PCDHGB3: variants seen among roughly 807,000 people sequenced by gnomAD.
The protein encoded by PCDHGB3 is protocadherin gamma subfamily B, 3, also known as protocadherin gamma-B3.
A neutral mutation model predicts 59.2 loss-of-function variants in PCDHGB3; 40 were observed. That is an observed-to-expected ratio of 0.68 (90% CI 0.52 to 0.88). The LOEUF is 0.88. Among genes scored for constraint, PCDHGB3 ranks in the 40% least tolerant of loss-of-function variants. PCDHGB3 has a pLI of 0.00. For missense variants in PCDHGB3, 1,309 were observed against 1,187.9 expected (o/e 1.10, Z -1.50); for synonymous variants, 581 against 503.6 (o/e 1.15, Z -2.06).
At chr5:141,409,181 C>T (rs1280456560) in intron 1 of PCDHGB3, 2 of 1,613,992 alleles carry the variant, frequency 1.2e-6, no homozygotes, top group Non-Finnish European at 1.7e-6. Flanking sequence ...CGGAGGTGGT[C>T]TCTCTACCCA....
chr5:141,415,759 T>TG (rs2095937522), intron 1 of PCDHGB3: 3 of 1,352,056 alleles, frequency 2.2e-6, no homozygotes, highest in Non-Finnish European at 2.9e-6. Flanking sequence ...TTTTTTTTTT[T>TG]TTTTTTTTTT....
intron 1 of PCDHGB3, chr5:141,484,980 A>C (rs1387732109): frequency 1.7e-6 from 1 of 593,836 alleles, no homozygotes; most frequent in Admixed American, 3.1e-5. Flanking sequence ...CTGTCTGCCA[A>C]TCGGGTGGTG....
intron 1 of PCDHGB3, among the ~76,000 whole-genome samples, chr5:141,454,204 T>G (rs1161344350): frequency 3.3e-5 from 5 of 152,170 alleles, no homozygotes; most frequent in Non-Finnish European, 1.5e-5. Context: ...GTGAATTTAT[T>G]GACATGAATG....
At chr5:141,447,938 T>G in intron 1 of PCDHGB3, among the ~76,000 whole-genome samples, 1 of 151,870 alleles carries the variant, frequency 6.6e-6, no homozygotes, top group Admixed American at 6.6e-5. Flanking sequence ...ATACAAAAAT[T>G]AGCTGGGCAT....
intron 1 of PCDHGB3, chr5:141,441,637 C>T (rs1200679247): frequency 4.4e-6 from 1 of 228,574 alleles, no homozygotes; most frequent in South Asian, 4.8e-5. Context: ...GAGCCACAGG[C>T]GCTGTGATTC....
chr5:141,499,073 G>T (rs2099789305), intron 2 of PCDHGB3, among the ~76,000 whole-genome samples: 1 of 152,064 alleles, frequency 6.6e-6, no homozygotes, highest in Admixed American at 6.5e-5. Flanking sequence ...CTTACATTCT[G>T]AAGTTCCTGC....
chr5:141,496,980 G>T (rs186715298), intron 2 of PCDHGB3, among the ~76,000 whole-genome samples: 1 of 151,974 alleles, frequency 6.6e-6, no homozygotes, highest in Admixed American at 6.6e-5. Flanking sequence ...GAGGTCAGGG[G>T]TTTGAGACCA....
In PCDHGB3 at chr5:141,432,365, G is replaced by A. The variant is rs1561860587; in HGVS notation, c.2415+59556G>A. The A allele has an allele frequency of 6.2e-7, 1 of 1,614,224 alleles. No homozygotes were observed. The highest frequency in any genetic ancestry group is 2.2e-5 in the East Asian group (1 of 44,882). ...CTTGCAAGTGAAAGTGATGGCGCGG[G>A]ACAACGGGCACCCGCCCCTCAGCAG... On this transcript the variant is annotated intron_variant, in intron 1 of 3. Transcript: ENST00000576222. The surrounding 1 kb of genome is among the most constrained non-coding windows in gnomAD (Gnocchi z 6.0).
chr5:141,397,961 G>C, intron 1 of PCDHGB3: 2 of 1,038,400 alleles, frequency 1.9e-6, no homozygotes, highest in Non-Finnish European at 2.7e-6. Context: ...CCCCAGCTCA[G>C]ACTCCCCAGC....
At chr5:141,418,823 A>G (rs985060966) in intron 1 of PCDHGB3, 7 of 1,613,868 alleles carry the variant, frequency 4.3e-6, no homozygotes, top group Admixed American at 3.3e-5. Context: ...CATAGAAGCA[A>G]AAGACCGAGG....
At chr5:141,381,854 A>T (rs1588908690) in intron 1 of PCDHGB3, among the ~76,000 whole-genome samples, 9 of 54,602 alleles carry the variant, frequency 1.6e-4, no homozygotes, top group South Asian at 5.1e-4. Context: ...TTTTTGGCAG[A>T]GTTTTGCTCT....
chr5:141,404,075 G>C (rs2154534954), intron 1 of PCDHGB3: 2 of 1,613,660 alleles, frequency 1.2e-6, no homozygotes, highest in East Asian at 2.2e-5. Flanking sequence ...TCATGACCGA[G>C]ACTCCGGGAA....
chr5:141,466,992 A>ATTT (rs985433044), intron 1 of PCDHGB3, among the ~76,000 whole-genome samples: 1 of 148,706 alleles, frequency 6.7e-6, no homozygotes, highest in African/African-American at 2.5e-5. Flanking sequence ...ACCTTTTGGC[A>ATTT]TTTTTTTGCA....
intron 1 of PCDHGB3, 144 bp from the exon 2 acceptor site, chr5:141,494,663 G>A: frequency 6.7e-7 from 1 of 1,499,356 alleles, no homozygotes; most frequent in Non-Finnish European, 9.0e-7. Flanking sequence ...TGTCTTTGGA[G>A]ATGAGTCCAC....
chr5:141,415,039 G>A (rs761101620), intron 1 of PCDHGB3: 1 of 1,613,486 alleles, frequency 6.2e-7, no homozygotes, highest in South Asian at 1.1e-5. Context: ...GGGACTCTTC[G>A]CGGTGGGGGA....
intron 1 of PCDHGB3, chr5:141,428,153 CT>C (rs2097116745): frequency 6.3e-7 from 1 of 1,581,370 alleles, no homozygotes; most frequent in Admixed American, 1.7e-5. Flanking sequence ...ACACGGGAAC[CT>C]GCTGGTTGCT....
intron 1 of PCDHGB3, chr5:141,394,390 G>A (rs758609540): frequency 2.5e-6 from 4 of 1,614,100 alleles, no homozygotes; most frequent in South Asian, 2.2e-5. Flanking sequence ...GAGCAGATCC[G>A]AGACCTGCAG....
chr5:141,385,200 C>T (rs776177043), intron 1 of PCDHGB3: 3 of 1,614,214 alleles, frequency 1.9e-6, no homozygotes, highest in Non-Finnish European at 1.7e-6. Context: ...GGAAGAGTCA[C>T]CTGATCTTCC....
rs777856819 is a variant in PCDHGB3, at chr5:141,487,572, T to A, written c.2416-7235T>A. On this transcript the variant is annotated intron_variant, in intron 1 of 3. Coordinates refer to ENST00000576222, the MANE Select transcript of PCDHGB3 (RefSeq NM_018924.5). The surrounding 1 kb of genome is among the most constrained non-coding windows in gnomAD (Gnocchi z 5.0). ...AGTGCACCTATGGCAGGGGAGCCTG[T>A]TCGCCCAAGCTGCCCACCCTCTGAT... 1 of 1,614,168 alleles carries A rather than the reference T, an allele frequency of 6.2e-7. No individual in the cohort carries two copies. Among genetic ancestry groups the A allele is most frequent in the Non-Finnish European group, 8.5e-7 (1 of 1,180,034 alleles).
Sources: allele counts gnomAD v4.1 joint callset (sites outside exome capture counted in the v4.1 genomes callset), GRCh38; gene constraint gnomAD v4.1.1; non-coding constraint Gnocchi (gnomAD v3.1); transcripts MANE v1.5; gene names NCBI Gene and HGNC (gene_info 2026-07-23, HGNC 2026-07-21).